AGFG1: variants seen among roughly 807,000 people sequenced by gnomAD.
AGFG1 encodes ArfGAP with FG repeats 1.
In AGFG1, 10 loss-of-function variants were observed where a neutral mutation model predicts 60.6. That is an observed-to-expected ratio of 0.16 (90% CI 0.10 to 0.28). The LOEUF (loss-of-function observed/expected upper bound fraction) is 0.28. Ranked by LOEUF, AGFG1 falls within the 10% of genes least tolerant of loss-of-function variation. AGFG1 has a pLI of 1.00. For synonymous variants in AGFG1, 247 were observed against 242.9 expected, an observed-to-expected ratio of 1.02 and a Z score of -0.16; for missense variants, 537 against 676.5, an observed-to-expected ratio of 0.79 and a Z score of 2.29.
At position 227,557,165 on chromosome 2, in the gene AGFG1, C is replaced by T. The variant is rs1692994895; in HGVS notation, c.*2670C>T. The T allele has an allele frequency of 6.6e-6, 1 of 152,126 alleles. No individual in the cohort carries two copies. The highest frequency in any genetic ancestry group is 2.4e-5 in the African/African-American group (1 of 41,436). The allele number at this position is 152,126 out of a possible 1,614,324, so 9.4% of individuals were successfully genotyped here. A position where few individuals can be genotyped will look rare whatever the true frequency, so the allele number is the denominator to read the frequency against. ...TTACTGGTTTAGTCACATCATTTTT[C>T]CTGTTCAGGTATCTGCAGATATCCC... On this transcript the variant is annotated 3_prime_UTR_variant, in exon 13 of 13. Coordinates refer to ENST00000310078, the MANE Select transcript of AGFG1 (RefSeq NM_004504.5).
intron 7 of AGFG1, 23 bp from the exon 8 acceptor site, chr2:227,534,822 A>T: frequency 6.2e-7 from 1 of 1,605,108 alleles, no homozygotes; most frequent in South Asian, 1.1e-5. Context: ...TTTTTGGTGT[A>T]ACTTGATTTT....
chr2:227,514,280 CA>C (rs1183229140), intron 2 of AGFG1, among the ~76,000 whole-genome samples: 10 of 152,292 alleles, frequency 6.6e-5, no homozygotes, highest in African/African-American at 2.4e-4. Flanking sequence ...GGCACGATCT[CA>C]GCTCACTGCA....
Position 227,561,180 on chromosome 2 carries a change from AT to A in AGFG1, c.*6692del, listed in dbSNP as rs1007921106. ...TTCATTGTGAAATACTGTTGGAAGA[AT>A]TTTTTTCAAAATAAAGACTTCTGAA... On this transcript the variant is annotated 3_prime_UTR_variant, in exon 13 of 13. Transcript: ENST00000310078. The A allele has an allele frequency of 2.0e-5, 3 of 152,104 alleles. No homozygotes were observed. The highest frequency in any genetic ancestry group is 4.4e-5 in the Non-Finnish European group (3 of 67,978). 9.4% of individuals were successfully genotyped at this position (152,104 alleles called of 1,614,324 possible). A position where few individuals can be genotyped will look rare whatever the true frequency, so the allele number is the denominator to read the frequency against.
chr2:227,494,258 T>G (rs987114856), intron 2 of AGFG1, among the ~76,000 whole-genome samples: 2 of 150,816 alleles, frequency 1.3e-5, no homozygotes, highest in Non-Finnish European at 3.0e-5. Context: ...GCAAGTGTTC[T>G]ATTATCAGTT....
rs1159685096 is a variant in AGFG1 at position 227,558,659 on chromosome 2, G to T, written c.*4164G>T. ...GTGACATTAAACTTTTCACGTGGTT[G>T]TTTGTGAACAGATGAATATATAACC... On this transcript the variant is annotated 3_prime_UTR_variant, in exon 13 of 13. Coordinates refer to ENST00000310078, the MANE Select transcript of AGFG1 (RefSeq NM_004504.5). 4.6e-5 allele frequency: 7 copies of T among 152,076 alleles called. No homozygotes were observed. Among genetic ancestry groups the T allele is most frequent in the Admixed American group, 3.3e-4 (5 of 15,264 alleles). 9.4% of individuals were successfully genotyped at this position (152,076 alleles called of 1,614,324 possible).
At chr2:227,533,787 A>G (rs1191996954) in intron 7 of AGFG1, 29 bp downstream of exon 7, 2 of 1,577,342 alleles carry the variant, frequency 1.3e-6, no homozygotes, top group South Asian at 1.1e-5. Context: ...AACAAATACA[A>G]ATTTGTGTTA....
chr2:227,528,163 T>C (rs1692052491), intron 5 of AGFG1, among the ~76,000 whole-genome samples: 1 of 152,242 alleles, frequency 6.6e-6, no homozygotes, highest in Non-Finnish European at 1.5e-5. Context: ...ACCTTTTGTT[T>C]TAAATATTAA....
At chr2:227,500,900 C>G (rs1388746211) in intron 2 of AGFG1, among the ~76,000 whole-genome samples, 3 of 152,076 alleles carry the variant, frequency 2.0e-5, no homozygotes, top group Non-Finnish European at 2.9e-5. Context: ...TCAAGTGATT[C>G]TCCTGCCTTA....
intron 2 of AGFG1, among the ~76,000 whole-genome samples, chr2:227,497,143 T>G (rs1202086312): frequency 6.6e-6 from 1 of 151,666 alleles, no homozygotes; most frequent in Non-Finnish European, 1.5e-5. Flanking sequence ...TTGCATATCC[T>G]TGTTTGAAAT....
At chr2:227,495,810 G>A (rs763652916) in intron 2 of AGFG1, among the ~76,000 whole-genome samples, 6 of 152,020 alleles carry the variant, frequency 3.9e-5, no homozygotes, top group Middle Eastern at 6.8e-3. Flanking sequence ...AAAAGTAAAA[G>A]CATTACTACT....
At position 227,560,105 on chromosome 2, in the gene AGFG1, T is replaced by TA. The variant is rs1352549185; in HGVS notation, c.*5611dup. On this transcript the variant is annotated 3_prime_UTR_variant, in exon 13 of 13. Coordinates refer to ENST00000310078, the MANE Select transcript of AGFG1 (RefSeq NM_004504.5). ...CTCTCTGTATGCCTCTTCCTGTTCT[T>TA]ATTTTAAATGTTCAAGTTTGTGACT... The TA allele has an allele frequency of 6.6e-5, 10 of 152,134 alleles. No homozygotes were observed. Among genetic ancestry groups the TA allele is most frequent in the African/African-American group, 2.4e-4 (10 of 41,462 alleles). 9.4% of individuals were successfully genotyped at this position (152,134 alleles called of 1,614,324 possible). A position where few individuals can be genotyped will look rare whatever the true frequency, so the allele number is the denominator to read the frequency against.
chr2:227,473,268 G>A (rs1055100204), intron 1 of AGFG1, among the ~76,000 whole-genome samples: 5 of 152,192 alleles, frequency 3.3e-5, no homozygotes, highest in African/African-American at 1.2e-4. Flanking sequence ...GGGAGGGGGA[G>A]GCAGAGGAGC....
intron 10 of AGFG1, among the ~76,000 whole-genome samples, chr2:227,547,231 G>T (rs568720988): frequency 2.0e-5 from 3 of 152,296 alleles, no homozygotes; most frequent in Admixed American, 1.3e-4. Context: ...ACAAAAAAGG[G>T]TTGGAGGTAG....
chr2:227,490,733 G>A (rs1392357763), intron 1 of AGFG1, among the ~76,000 whole-genome samples: 1 of 152,100 alleles, frequency 6.6e-6, no homozygotes, highest in South Asian at 2.1e-4. Context: ...TCTTGTGGGT[G>A]GACCTGCCCA....
At chr2:227,479,280 G>A (rs1388791998) in intron 1 of AGFG1, among the ~76,000 whole-genome samples, 3 of 152,144 alleles carry the variant, frequency 2.0e-5, no homozygotes, top group Admixed American at 6.5e-5. Flanking sequence ...AGGCATTATT[G>A]CCATGTTAAG....
chr2:227,472,171 C>A lies in AGFG1; in HGVS notation c.-251C>A. ...CTCGTCTTTTCCCCTCAGGAGAAGT[C>A]GGGAAGGTGGCGGCGGCGGCGGCGG... is the stretch of plus-strand genomic sequence containing the variant. On this transcript the variant is annotated 5_prime_UTR_variant, in exon 1 of 13. Coordinates refer to ENST00000310078, the MANE Select transcript of AGFG1 (RefSeq NM_004504.5). 1 of 156,546 alleles carries A rather than the reference C, an allele frequency of 6.4e-6. No homozygotes were observed. Among genetic ancestry groups the A allele is most frequent in the South Asian group, 1.7e-4 (1 of 5,716 alleles). The allele number at this position is 156,546 out of a possible 1,614,324, so 9.7% of individuals were successfully genotyped here.
chr2:227,519,843 A>C, intron 2 of AGFG1, 105 bp from the exon 3 acceptor site: 1 of 620,946 alleles, frequency 1.6e-6, no homozygotes, highest in Non-Finnish European at 2.8e-6. Flanking sequence ...ATATTATTAA[A>C]ATTATTATGT....
At chr2:227,485,239 G>A (rs1301891044) in intron 1 of AGFG1, among the ~76,000 whole-genome samples, 1 of 112,120 alleles carries the variant, frequency 8.9e-6, no homozygotes, top group Admixed American at 1.2e-4. Flanking sequence ...TCACCGAATC[G>A]TTTCTTTTTT....
rs191646829 is a variant in AGFG1 at position 227,553,693 on chromosome 2, A to C, written c.1538-11A>C. 6.2e-7 allele frequency: 1 copy of C among 1,612,222 alleles called. No individual in the cohort carries two copies. The highest frequency in any genetic ancestry group is 8.5e-7 in the Non-Finnish European group (1 of 1,178,496). On this transcript the variant is annotated splice_polypyrimidine_tract_variant and intron_variant, in intron 11 of 12. Transcript: ENST00000310078. ...GGTATGGGTTATAATTGGTGGTTCTATTTTAACAAGGTGCAGGTTTTGCAG... is the reference window on the plus strand; with the variant it reads ...GGTATGGGTTATAATTGGTGGTTCTCTTTTAACAAGGTGCAGGTTTTGCAG...
Sources: gnomAD v4.1 joint callset for allele counts (sites outside exome capture counted in the v4.1 genomes callset) on GRCh38, gnomAD v4.1.1 for gene constraint, MANE v1.5 for transcripts, NCBI Gene and HGNC (gene_info 2026-07-23, HGNC 2026-07-21) for gene names.